CFAP54: variants seen among roughly 807,000 people sequenced by gnomAD.
CFAP54 encodes the protein cilia- and flagella-associated protein 54.
Under a neutral mutation model 370.4 loss-of-function variants are expected in CFAP54, and 290 were observed. The ratio of observed to expected loss-of-function variants is 0.78; its 90% CI spans 0.71 to 0.86. The LOEUF (loss-of-function observed/expected upper bound fraction) is 0.86, where lower values mean the gene tolerates loss of function less well. Among genes scored for constraint, CFAP54 ranks in the 40% least tolerant of loss-of-function variants. CFAP54 has a pLI of 0.00. For synonymous variants in CFAP54, 1,206 were observed against 1,236.5 expected, an observed-to-expected ratio of 0.98 and a Z score of 0.52; for missense variants, 3,399 against 3,528.7, an observed-to-expected ratio of 0.96 and a Z score of 0.93.
At chr12:96,724,757 A>G (rs1192206949) in intron 50 of CFAP54, among the ~76,000 whole-genome samples, 2 of 152,150 alleles carry the variant, frequency 1.3e-5, no homozygotes, top group Non-Finnish European at 2.9e-5. Context: ...GCCCATGCCT[A>G]TTTCCTGAAT....
chr12:96,589,963 T>C (rs1956109654), intron 23 of CFAP54, among the ~76,000 whole-genome samples: 1 of 152,102 alleles, frequency 6.6e-6, no homozygotes, highest in Non-Finnish European at 1.5e-5. Context: ...GCCAGACTGG[T>C]CTCGAACTCC....
intron 5 of CFAP54, among the ~76,000 whole-genome samples, chr12:96,513,913 G>A (rs1955202328): frequency 6.6e-6 from 1 of 152,174 alleles, no homozygotes; most frequent in Non-Finnish European, 1.5e-5. Flanking sequence ...TAACCCAGTT[G>A]CATGACAAAG....
At chr12:96,510,341 C>G (rs1047934274) in intron 4 of CFAP54, among the ~76,000 whole-genome samples, 1 of 151,862 alleles carries the variant, frequency 6.6e-6, no homozygotes, top group Admixed American at 6.6e-5. Context: ...CATCTGATAC[C>G]ATTTACTCTC....
intron 39 of CFAP54, 31 bp from the exon 40 acceptor site, chr12:96,679,569 T>A: frequency 1.3e-6 from 2 of 1,592,138 alleles, no homozygotes; most frequent in Non-Finnish European, 1.7e-6. Context: ...CAGCATTTCA[T>A]CCCCAATATT....
Position 96,554,741 on chromosome 12 carries a change from G to A in CFAP54, c.2349G>A (p.Leu783=). ...PLASNSFMMD[L]HLELIQAQHR... Reference sequence around the variant, plus strand: ...CCTCAAATAGTTTCATGATGGATTTGCATCTTGAACTAATTCAAGCTCAGC... The same window carrying A: ...CCTCAAATAGTTTCATGATGGATTTACATCTTGAACTAATTCAAGCTCAGC... Residue 783 remains leucine, a synonymous_variant, in exon 17 of 68, where the codon TTG becomes TTA. Coordinates refer to ENST00000524981, the MANE Select transcript of CFAP54 (RefSeq NM_001306084.2). 1.3e-6 allele frequency: 2 copies of A among 1,534,810 alleles called. No individual in the cohort carries two copies. Among genetic ancestry groups the A allele is most frequent in the Non-Finnish European group, 1.7e-6 (2 of 1,146,032 alleles).
chr12:96,817,207 C>T (rs563638569), intron 64 of CFAP54, among the ~76,000 whole-genome samples: 1 of 152,164 alleles, frequency 6.6e-6, no homozygotes, highest in South Asian at 2.1e-4. Context: ...TAGATGTGTG[C>T]CTTTTTTATT....
chr12:96,527,568 GTTGT>G (rs1955397401), intron 9 of CFAP54, 124 bp downstream of exon 9: 11 of 612,880 alleles, frequency 1.8e-5, no homozygotes, highest in African/African-American at 3.9e-5. Context: ...TTTTTGTTTG[GTTGT>G]TTGTTTGTTT....
chr12:96,636,099 G>A (rs970836045), intron 32 of CFAP54, among the ~76,000 whole-genome samples: 3 of 152,076 alleles, frequency 2.0e-5, no homozygotes, highest in African/African-American at 7.2e-5. Context: ...ACCCTGAGTC[G>A]CCTCCTTAGC....
intron 50 of CFAP54, among the ~76,000 whole-genome samples, chr12:96,734,525 A>T (rs758427260): frequency 6.6e-6 from 1 of 152,232 alleles, no homozygotes; most frequent in Non-Finnish European, 1.5e-5. Context: ...TTTAACCCTT[A>T]TAATAATCTC....
At chr12:96,664,715 CTATATATATCTATATATATA>C (rs1957047154) in intron 39 of CFAP54, among the ~76,000 whole-genome samples, 2 of 66,750 alleles carry the variant, frequency 3.0e-5, no homozygotes, top group South Asian at 6.3e-4. Context: ...ATATATATAT[CTATATATATCTATATATATA>C]TATCTATATA....
intron 65 of CFAP54, among the ~76,000 whole-genome samples, chr12:96,827,944 A>T (rs1418663366): frequency 9.2e-5 from 10 of 108,510 alleles, no homozygotes; most frequent in Admixed American, 2.6e-4. Flanking sequence ...AGTTATATAT[A>T]ATATATAATT....
At chr12:96,627,375 A>G (rs1372381258) in intron 30 of CFAP54, among the ~76,000 whole-genome samples, 1 of 152,206 alleles carries the variant, frequency 6.6e-6, no homozygotes, top group Admixed American at 6.5e-5. Flanking sequence ...GTAAACCTTA[A>G]AGCTGCCCCT....
intron 50 of CFAP54, among the ~76,000 whole-genome samples, chr12:96,733,777 A>G (rs191763390): frequency 6.3e-4 from 96 of 152,338 alleles, no homozygotes; most frequent in African/African-American, 2.0e-3. Context: ...GGATTAGGAC[A>G]TACTGGTATG....
chr12:96,691,356 G>T, intron 44 of CFAP54, 46 bp downstream of exon 44: 1 of 1,408,584 alleles, frequency 7.1e-7, no homozygotes, highest in Non-Finnish European at 9.6e-7. Context: ...GGGATATTTT[G>T]CTCCACTTAC....
chr12:96,587,341 T>C (rs1565904832), intron 22 of CFAP54, among the ~76,000 whole-genome samples: 3 of 152,008 alleles, frequency 2.0e-5, no homozygotes. Flanking sequence ...GGCATACCAA[T>C]ATAAAGAGGT....
intron 1 of CFAP54, among the ~76,000 whole-genome samples, chr12:96,496,943 A>G (rs1234880242): frequency 2.6e-5 from 4 of 152,194 alleles, no homozygotes; most frequent in Non-Finnish European, 5.9e-5. Flanking sequence ...TGGTGGAGGG[A>G]AGTATAGCTC....
intron 67 of CFAP54, among the ~76,000 whole-genome samples, chr12:96,872,580 A>G (rs568424027): frequency 6.6e-6 from 1 of 152,264 alleles, no homozygotes. Context: ...TGATGAAAGC[A>G]TCATTTCATT....
At chr12:96,688,716 C>A (rs564586098) in intron 42 of CFAP54, among the ~76,000 whole-genome samples, 200 bp from the exon 43 acceptor site, 3 of 152,088 alleles carry the variant, frequency 2.0e-5, no homozygotes, top group African/African-American at 7.2e-5. Context: ...TAAAATGTTA[C>A]TAGTAATCAT....
At chr12:96,753,447 T>A (rs1446002437) in intron 55 of CFAP54, among the ~76,000 whole-genome samples, 1 of 152,236 alleles carries the variant, frequency 6.6e-6, no homozygotes, top group East Asian at 1.9e-4. Flanking sequence ...AAAGTTGTTC[T>A]GTAGAGCATT....
Sources: allele counts gnomAD v4.1 joint callset (sites outside exome capture counted in the v4.1 genomes callset), GRCh38; gene constraint gnomAD v4.1.1; transcripts MANE v1.5; gene names NCBI Gene and HGNC (gene_info 2026-07-23, HGNC 2026-07-21).